Variants in SERPINE2 observed in about 807,000 individuals in gnomAD.
SERPINE2 encodes glia-derived nexin.
A neutral mutation model predicts 36.3 loss-of-function variants in SERPINE2; 14 were observed. That is an observed-to-expected ratio of 0.39 (90% confidence interval 0.25 to 0.60). The LOEUF (loss-of-function observed/expected upper bound fraction) is 0.60. Among genes scored for constraint, SERPINE2 ranks in the 20% least tolerant of loss-of-function variants. The probability of loss-of-function intolerance (pLI) is 0.57; values close to 1 mark genes in which losing one functional copy is unlikely to be tolerated. For synonymous variants in SERPINE2, 192 were observed against 191.8 expected (o/e 1.00, Z -0.01); for missense variants, 418 against 499.6 (o/e 0.84, Z 1.56).
chr2:224,018,343 C>T (rs1691869385), intron 1 of SERPINE2, among the ~76,000 whole-genome samples: 1 of 152,084 alleles, frequency 6.6e-6, no homozygotes, highest in Non-Finnish European at 1.5e-5. Flanking sequence ...AAAGCCAGAC[C>T]AGCCCTGCCT....
At chr2:224,027,530 T>C (rs1365464223) in intron 1 of SERPINE2, among the ~76,000 whole-genome samples, 3 of 152,148 alleles carry the variant, frequency 2.0e-5, no homozygotes, top group African/African-American at 7.2e-5. Context: ...TGGCAACTGA[T>C]TATTGATCCA....
chr2:224,029,388 A>C lies in SERPINE2; in HGVS notation c.-23+9711T>G, dbSNP rs1351942315. Among the ~76,000 whole-genome samples the C allele has an allele frequency of 3.3e-5, 5 of 149,564 alleles. No homozygotes were observed. In the Admixed American group the frequency reaches 3.3e-4, roughly 10 times the overall value. On this transcript the variant is annotated intron_variant, in intron 1 of 8. Transcript: ENST00000409304. ...AACTGCCAGTAAAATCCTTAAAAAA[A>C]TCCTATCAATGGTAGCAGAAAACAC...
chr2:223,992,201 G>C lies in SERPINE2; in HGVS notation c.488-201C>G, dbSNP rs952490337. ...TATTAAAGTTAAAAAGAAGTTAAAAGAGAAACAGAAAAGACTTTAGAAACC... is the reference window on the plus strand; with the variant it reads ...TATTAAAGTTAAAAAGAAGTTAAAACAGAAACAGAAAAGACTTTAGAAACC... On this transcript the variant is annotated intron_variant, in intron 3 of 8. Coordinates refer to ENST00000409304, the MANE Select transcript of SERPINE2 (RefSeq NM_001136528.2). Among the ~76,000 whole-genome samples the C allele has an allele frequency of 7.9e-5, 12 of 152,174 alleles. No individual in the cohort carries two copies. The East Asian group carries it at 2.1e-3, about 27-fold the overall frequency.
intron 1 of SERPINE2, among the ~76,000 whole-genome samples, chr2:224,014,904 C>T (rs764674860): frequency 1.3e-5 from 2 of 152,230 alleles, no homozygotes; most frequent in East Asian, 3.8e-4. Context: ...CCTGCCCTCC[C>T]ACCTCTCAGA....
At chr2:224,019,102 G>T (rs561532722) in intron 1 of SERPINE2, among the ~76,000 whole-genome samples, 1 of 152,156 alleles carries the variant, frequency 6.6e-6, no homozygotes, top group Non-Finnish European at 1.5e-5. Flanking sequence ...CAGGAAATAC[G>T]TTCTAAGACC....
intron 1 of SERPINE2, among the ~76,000 whole-genome samples, chr2:224,033,362 AAGTG>A (rs1692438804): frequency 6.6e-6 from 1 of 152,232 alleles, no homozygotes; most frequent in Non-Finnish European, 1.5e-5. Context: ...AGGCTTAAAA[AAGTG>A]AGAGACAAGA....
At chr2:224,021,067 T>A (rs568404049) in intron 1 of SERPINE2, among the ~76,000 whole-genome samples, 23 of 152,328 alleles carry the variant, frequency 1.5e-4, no homozygotes, top group Middle Eastern at 3.4e-3. Context: ...AACAGCAAGA[T>A]GCCTGCCAGG....
At chr2:223,988,196 G>T (rs1426773212) in intron 4 of SERPINE2, among the ~76,000 whole-genome samples, 1 of 152,128 alleles carries the variant, frequency 6.6e-6, no homozygotes, top group Non-Finnish European at 1.5e-5. Flanking sequence ...CTGAGACAGG[G>T]TCTTGCTCTG....
chr2:224,010,970 A>G (rs1163104646), intron 1 of SERPINE2, among the ~76,000 whole-genome samples: 1 of 152,222 alleles, frequency 6.6e-6, no homozygotes, highest in Non-Finnish European at 1.5e-5. Context: ...AGACTCAGAA[A>G]TAAATTAAGA....
intron 1 of SERPINE2, among the ~76,000 whole-genome samples, chr2:224,005,065 T>TTATATATTTTA (rs1553547022): frequency 3.0e-5 from 1 of 33,560 alleles, no homozygotes; most frequent in Non-Finnish European, 6.4e-5. Flanking sequence ...TTTATATATA[T>TTATATATTTTA]TATATATATA....
intron 1 of SERPINE2, chr2:224,031,249 CA>C: frequency 1.2e-6 from 1 of 867,832 alleles, no homozygotes; most frequent in African/African-American, 3.6e-5. Context: ...CTTTGGCATA[CA>C]GGCTGTGTGA....
intron 1 of SERPINE2, among the ~76,000 whole-genome samples, chr2:224,015,844 AGAT>A (rs1691782886): frequency 6.6e-6 from 1 of 152,264 alleles, no homozygotes; most frequent in Admixed American, 6.5e-5. Flanking sequence ...GATCCTGCAA[AGAT>A]GATGAAGAGA....
intron 5 of SERPINE2, among the ~76,000 whole-genome samples, chr2:223,983,566 T>C (rs575681284): frequency 1.3e-5 from 2 of 152,172 alleles, no homozygotes; most frequent in East Asian, 3.9e-4. Flanking sequence ...TTTGAGATTC[T>C]GAAAGTATTT....
intron 1 of SERPINE2, among the ~76,000 whole-genome samples, chr2:224,012,301 C>G (rs1051475389): frequency 6.6e-6 from 1 of 152,110 alleles, no homozygotes; most frequent in African/African-American, 2.4e-5. Context: ...CAATAAGGAA[C>G]AGTTAATGAC....
At chr2:224,036,193 T>C (rs1389183925) in intron 1 of SERPINE2, among the ~76,000 whole-genome samples, 3 of 151,976 alleles carry the variant, frequency 2.0e-5, no homozygotes, top group Non-Finnish European at 4.4e-5. Context: ...TCGCTTCATA[T>C]TGGTGAGAGT....
At chr2:223,991,442 A>T (rs1690668398) in intron 4 of SERPINE2, among the ~76,000 whole-genome samples, 1 of 152,198 alleles carries the variant, frequency 6.6e-6, no homozygotes, top group Admixed American at 6.5e-5. Context: ...TCCAATTTTT[A>T]ATTTGGTAAT....
chr2:224,005,075 A>ATAAATATATTTTATATATATTATATATT (rs1691362237), intron 1 of SERPINE2, among the ~76,000 whole-genome samples: 1 of 7,992 alleles, frequency 1.3e-4, no homozygotes, highest in African/African-American at 2.6e-4. Flanking sequence ...TTATATATAT[A>ATAAATATATTTTATATATATTATATATT]TATATATATA....
intron 4 of SERPINE2, among the ~76,000 whole-genome samples, chr2:223,985,728 G>C (rs1047314): frequency 0.022 from 3,321 of 152,312 alleles, 250 homozygotes; most frequent in East Asian, 0.17. Flanking sequence ...GCACGGCTAA[G>C]AAGTGAGGAG....
rs764598098 is a variant in SERPINE2 at position 224,001,790 on chromosome 2, C to T, written c.111G>A (p.Gln37=). 1.2e-5 allele frequency: 20 copies of T among 1,613,998 alleles called. No individual in the cohort carries two copies. Among genetic ancestry groups the T allele is most frequent in the Non-Finnish European group, 1.5e-5 (18 of 1,180,040 alleles). ...TCGACTTCACAATCTGATTGAAAACCTGGATCCCCGTGTTGGAGCCTAGTT... is the reference window on the plus strand; with the variant it reads ...TCGACTTCACAATCTGATTGAAAACTTGGATCCCCGTGTTGGAGCCTAGTT... ...LEELGSNTGI[Q]VFNQIVKSRP... is the part of the protein sequence containing the mutation. The change falls in exon 2 of 9, where the codon CAG becomes CAA. Residue 37 remains glutamine (Q), a synonymous_variant. Transcript: ENST00000409304.
Sources: allele counts gnomAD v4.1 joint callset (sites outside exome capture counted in the v4.1 genomes callset), GRCh38; gene constraint gnomAD v4.1.1; transcripts MANE v1.5; gene names NCBI Gene and HGNC (gene_info 2026-07-23, HGNC 2026-07-21).